LPAR1: variants seen among roughly 807,000 people sequenced by gnomAD.
LPAR1 encodes the protein LPA receptor 1.
LPAR1 carries 5 observed loss-of-function variants against 23.8 expected under a neutral mutation model. The ratio of observed to expected loss-of-function variants is 0.21; its 90% confidence interval spans 0.11 to 0.44. The LOEUF (loss-of-function observed/expected upper bound fraction) is 0.44. LPAR1 is among the 20% of genes least tolerant of loss of function. The pLI, the probability that LPAR1 is intolerant of heterozygous loss-of-function variation, is 0.99. For synonymous variants in LPAR1, 160 were observed against 164.7 expected, an observed-to-expected ratio of 0.97 and a Z score of 0.22; for missense variants, 311 against 482.8, an observed-to-expected ratio of 0.64 and a Z score of 3.33.
chr9:111,034,769 A>C (rs1021324969), intron 2 of LPAR1, among the ~76,000 whole-genome samples: 1 of 152,096 alleles, frequency 6.6e-6, no homozygotes, highest in Non-Finnish European at 1.5e-5. Context: ...AGGTTATGTA[A>C]TACTTCCTCC....
chr9:110,905,005 T>C (rs2090724584), intron 5 of LPAR1, among the ~76,000 whole-genome samples: 1 of 152,182 alleles, frequency 6.6e-6, no homozygotes, highest in South Asian at 2.1e-4. Flanking sequence ...CATGGACCAT[T>C]TCCACTTAGA....
intron 2 of LPAR1, among the ~76,000 whole-genome samples, chr9:111,004,159 C>T (rs2097175074): frequency 6.6e-6 from 1 of 152,168 alleles, no homozygotes; most frequent in African/African-American, 2.4e-5. Context: ...TCACCGTCAC[C>T]AATTTTGGCT....
At chr9:111,018,287 G>A (rs1346546567) in intron 2 of LPAR1, among the ~76,000 whole-genome samples, 1 of 152,130 alleles carries the variant, frequency 6.6e-6, no homozygotes, top group African/African-American at 2.4e-5. Flanking sequence ...AACTCTGCTG[G>A]TAGGAGTATG....
intron 4 of LPAR1, among the ~76,000 whole-genome samples, chr9:110,961,216 GA>G (rs35228428): frequency 0.81 from 117,757 of 145,388 alleles, 47,908 homozygotes; most frequent in Non-Finnish European, 0.86. Context: ...ATTTTAAGGG[GA>G]AAAAAAAAAA....
At chr9:111,038,673 C>T (rs1284326837), upstream of LPAR1, 1 of 455,038 alleles carries the variant, frequency 2.2e-6, no homozygotes, top group Non-Finnish European at 4.4e-6. This position sits in a 1 kb window ranked among gnomAD's most constrained non-coding sequence, Gnocchi z 4.4. Context: ...CCCCCAGCGC[C>T]CCTGACCTCT....
intron 5 of LPAR1, among the ~76,000 whole-genome samples, chr9:110,888,903 T>C (rs1266702362): frequency 6.6e-6 from 1 of 152,168 alleles, no homozygotes; most frequent in East Asian, 1.9e-4. Flanking sequence ...AGGAGGACAC[T>C]GATGACAGTT....
chr9:110,938,304 T>G (rs973051214), intron 5 of LPAR1, among the ~76,000 whole-genome samples: 1 of 152,248 alleles, frequency 6.6e-6, no homozygotes, highest in Non-Finnish European at 1.5e-5. Context: ...ACCAGAATTC[T>G]TGTTCCTACT....
At chr9:110,987,161 G>A (rs972477680) in intron 2 of LPAR1, among the ~76,000 whole-genome samples, 1 of 151,994 alleles carries the variant, frequency 6.6e-6, no homozygotes, top group African/African-American at 2.4e-5. Context: ...TTTGCTACAA[G>A]GATGCTTAAT....
chr9:110,983,892 C>T (rs181469508), intron 2 of LPAR1, among the ~76,000 whole-genome samples: 21 of 152,052 alleles, frequency 1.4e-4, no homozygotes, highest in African/African-American at 3.9e-4. Context: ...AAATATGGAA[C>T]GACTCAAAAA....
At chr9:110,963,027 G>A (rs1365203744) in intron 4 of LPAR1, among the ~76,000 whole-genome samples, 2 of 152,130 alleles carry the variant, frequency 1.3e-5, no homozygotes, top group Admixed American at 6.5e-5. Flanking sequence ...GTATGAAAAC[G>A]AGATTGGGCA....
intron 2 of LPAR1, among the ~76,000 whole-genome samples, chr9:110,997,881 C>T (rs1271974020): frequency 6.6e-6 from 1 of 152,138 alleles, no homozygotes; most frequent in Non-Finnish European, 1.5e-5. Flanking sequence ...CGAGAGAGAA[C>T]CAAGAATCTG....
chr9:110,979,644 T>C (rs1459586796), intron 2 of LPAR1, among the ~76,000 whole-genome samples: 1 of 152,018 alleles, frequency 6.6e-6, no homozygotes, highest in East Asian at 1.9e-4. Context: ...AGCAAAAGAT[T>C]AGGAATCAGA....
intron 4 of LPAR1, among the ~76,000 whole-genome samples, chr9:110,966,230 C>T (rs1208266728): frequency 6.6e-6 from 1 of 152,088 alleles, no homozygotes; most frequent in Non-Finnish European, 1.5e-5. Context: ...CCTGTAATCT[C>T]AGCACTTTGG....
intron 4 of LPAR1, among the ~76,000 whole-genome samples, chr9:110,953,481 T>C (rs1409566664): frequency 6.6e-6 from 1 of 152,022 alleles, no homozygotes; most frequent in Non-Finnish European, 1.5e-5. Flanking sequence ...CTGATCAACA[T>C]GGAGAAACCC....
chr9:111,038,617 G>A, upstream of LPAR1: 2 of 455,090 alleles, frequency 4.4e-6, no homozygotes, highest in East Asian at 7.1e-5. The surrounding 1 kb of genome is among the most constrained non-coding windows in gnomAD (Gnocchi z 4.4). Context: ...AACCCCCAGA[G>A]TCCGCCCTCC....
chr9:111,028,435 A>G (rs531052877), intron 2 of LPAR1, among the ~76,000 whole-genome samples: 2 of 152,186 alleles, frequency 1.3e-5, no homozygotes, highest in Non-Finnish European at 2.9e-5. Flanking sequence ...TACATTCCAC[A>G]TATTTTAAAA....
chr9:110,986,633 T>A (rs2096787529), intron 2 of LPAR1, among the ~76,000 whole-genome samples: 1 of 144,824 alleles, frequency 6.9e-6, no homozygotes. Flanking sequence ...GGAATGTGAA[T>A]ATATGAAGTG....
At chr9:110,901,527 C>CA (rs2088976179) in intron 5 of LPAR1, among the ~76,000 whole-genome samples, 1 of 152,176 alleles carries the variant, frequency 6.6e-6, no homozygotes, top group Non-Finnish European at 1.5e-5. Context: ...TTACATGCAG[C>CA]AGGCAAGAGA....
intron 5 of LPAR1, among the ~76,000 whole-genome samples, chr9:110,882,922 A>G (rs1271612459): frequency 1.3e-5 from 2 of 152,256 alleles, no homozygotes; most frequent in Non-Finnish European, 2.9e-5. Flanking sequence ...ACAACAAGAA[A>G]CTAGAAGTCT....
Sources: gnomAD v4.1 joint callset for allele counts (sites outside exome capture counted in the v4.1 genomes callset) on GRCh38, gnomAD v4.1.1 for gene constraint, Gnocchi (gnomAD v3.1) non-coding constraint, MANE v1.5 for transcripts, NCBI Gene and HGNC (gene_info 2026-07-23, HGNC 2026-07-21) for gene names.